TPRG1: variants seen among roughly 807,000 people sequenced by gnomAD.
TPRG1 encodes tumor protein p63-regulated gene 1 protein.
In TPRG1, 29 loss-of-function variants were observed where a neutral mutation model predicts 29.3. The observed-to-expected ratio is 0.99, with a 90% CI of 0.74 to 1.35. TPRG1 has a LOEUF of 1.35. TPRG1 is among the 40% of genes most tolerant of loss of function. The pLI is 0.00. For missense variants in TPRG1, 327 were observed against 335.0 expected (o/e 0.98, Z 0.19); for synonymous variants, 130 against 116.8 (o/e 1.11, Z -0.73).
At chr3:189,315,430 T>C (rs1723352394) in intron 5 of TPRG1, 1 of 441,726 alleles carries the variant, frequency 2.3e-6, no homozygotes, top group East Asian at 7.0e-5. Context: ...TCATCCACTT[T>C]GTATTTGCAA....
intron 4 of TPRG1, among the ~76,000 whole-genome samples, chr3:189,282,383 C>T (rs1404392956): frequency 6.6e-6 from 1 of 152,092 alleles, no homozygotes; most frequent in Non-Finnish European, 1.5e-5. Flanking sequence ...CTTCTACATA[C>T]TCTTCTAACA....
intron 4 of TPRG1, among the ~76,000 whole-genome samples, chr3:189,294,827 C>CAT: frequency 6.7e-6 from 1 of 149,654 alleles, no homozygotes; most frequent in Admixed American, 6.6e-5. Context: ...CACACACACA[C>CAT]AGCGCGCAAG....
chr3:189,123,446 G>C (rs1403720598), intron 1 of TPRG1: 1 of 152,186 alleles, frequency 6.6e-6, no homozygotes, highest in Non-Finnish European at 1.5e-5. Context: ...AATGTGTAAT[G>C]TACAAGAAGG....
chr3:189,082,858 A>G (rs1438412965), intron 4 of TPRG1, among the ~76,000 whole-genome samples: 1 of 152,284 alleles, frequency 6.6e-6, no homozygotes, highest in South Asian at 2.1e-4. Context: ...ACTCATGCAC[A>G]CTCAAGAACG....
chr3:189,006,622 T>C (rs1386022789), intron 3 of TPRG1, among the ~76,000 whole-genome samples: 1 of 151,870 alleles, frequency 6.6e-6, no homozygotes, highest in East Asian at 1.9e-4. Context: ...TACAAGAAAG[T>C]GTGTGGAGTG....
chr3:189,059,204 G>C (rs967996428), intron 4 of TPRG1, among the ~76,000 whole-genome samples: 1 of 152,144 alleles, frequency 6.6e-6, no homozygotes, highest in Non-Finnish European at 1.5e-5. Context: ...TTCCAAGTAA[G>C]ACAGTAAGAA....
chr3:189,174,322 G>A (rs1729201750), intron 1 of TPRG1, among the ~76,000 whole-genome samples: 1 of 152,258 alleles, frequency 6.6e-6, no homozygotes, highest in Admixed American at 6.5e-5. Context: ...CAGATATCTT[G>A]TTTTCAGGAA....
intron 1 of TPRG1, among the ~76,000 whole-genome samples, chr3:189,181,125 A>G (rs1389306134): frequency 6.6e-6 from 1 of 152,150 alleles, no homozygotes; most frequent in Non-Finnish European, 1.5e-5. Flanking sequence ...AGGCTGCACA[A>G]GGATGGAGAC....
chr3:189,105,265 C>G (rs149418464), intron 1 of TPRG1, among the ~76,000 whole-genome samples: 45 of 152,166 alleles, frequency 3.0e-4, no homozygotes, highest in African/African-American at 1.1e-3. Flanking sequence ...TGTCTCAGTG[C>G]TAGAAGAAAC....
chr3:189,196,914 G>A (rs777759906), intron 1 of TPRG1, among the ~76,000 whole-genome samples: 3 of 152,036 alleles, frequency 2.0e-5, no homozygotes, highest in African/African-American at 4.8e-5. Flanking sequence ...TTATAAAATC[G>A]ATGTGTAAAA....
rs1741511248 is a variant in TPRG1 at position 189,247,319 on chromosome 3, T to C, written c.479+8410T>C. On this transcript the variant is annotated intron_variant, in intron 4 of 5. Transcript: ENST00000345063. ...AAAATATCCATGTAGTTCTTTAGTA[T>C]AGGTTTTATTTTCTTAAGAAATTTT... Among the ~76,000 whole-genome samples the C allele has an allele frequency of 2.6e-5, 4 of 152,110 alleles. No homozygotes were observed. In the South Asian group the frequency reaches 6.2e-4, roughly 24 times the overall value.
chr3:189,181,221 C>G (rs1022807789), intron 1 of TPRG1, among the ~76,000 whole-genome samples: 1 of 152,180 alleles, frequency 6.6e-6, no homozygotes, highest in East Asian at 1.9e-4. Context: ...CTCTGACATG[C>G]CCTGGAGACA....
chr3:189,088,649 A>C (rs997826636), intron 4 of TPRG1, among the ~76,000 whole-genome samples: 5 of 152,118 alleles, frequency 3.3e-5, no homozygotes, highest in Non-Finnish European at 5.9e-5. Context: ...TAAATCATCT[A>C]TATCTATATA....
At chr3:189,239,319 C>T (rs1414722480) in intron 4 of TPRG1, among the ~76,000 whole-genome samples, 1 of 152,086 alleles carries the variant, frequency 6.6e-6, no homozygotes, top group Admixed American at 6.5e-5. Context: ...TATTCACTAT[C>T]AAGAGACTGG....
chr3:189,104,280 C>T (rs550822311), intron 1 of TPRG1, among the ~76,000 whole-genome samples: 13 of 152,138 alleles, frequency 8.5e-5, no homozygotes, highest in African/African-American at 2.2e-4. Flanking sequence ...CTTGTACTGA[C>T]GATAGAGCAC....
At chr3:189,317,520 A>G (rs1038139422) in intron 5 of TPRG1, among the ~76,000 whole-genome samples, 19 of 152,214 alleles carry the variant, frequency 1.2e-4, no homozygotes, top group African/African-American at 4.3e-4. Flanking sequence ...CAACCACCTG[A>G]TAAGTTTGAT....
chr3:189,250,517 C>A lies in TPRG1; in HGVS notation c.479+11608C>A, dbSNP rs943853231. 7.4e-5 allele frequency among the ~76,000 whole-genome samples: 8 copies of A among 107,846 alleles called. 1 individual carries two copies. The highest frequency in any genetic ancestry group is 6.4e-4 in the East Asian group (2 of 3,114). 70.8% of individuals were successfully genotyped at this position (107,846 alleles called of 152,430 possible). A position where few individuals can be genotyped will look rare whatever the true frequency, so the allele number is the denominator to read the frequency against. On this transcript the variant is annotated intron_variant, in intron 4 of 5. Transcript: ENST00000345063. ...GTTCTGATTTCCGCCCCCCCCCCCC[C>A]ACCCAGATTAAAGCTTTTGTTAACA...
At chr3:189,151,106 T>G (rs1326040564) in intron 5 of TPRG1, 1 of 152,218 alleles carries the variant, frequency 6.6e-6, no homozygotes, top group Non-Finnish European at 1.5e-5. Flanking sequence ...TGAGTAATTT[T>G]CAATTAATAA....
At chr3:189,060,508 T>A (rs1023111531) in intron 4 of TPRG1, among the ~76,000 whole-genome samples, 2 of 152,216 alleles carry the variant, frequency 1.3e-5, no homozygotes, top group African/African-American at 4.8e-5. Context: ...AAACTATCCC[T>A]GTTTGTGGAA....
Sources: allele counts gnomAD v4.1 joint callset (sites outside exome capture counted in the v4.1 genomes callset), GRCh38; gene constraint gnomAD v4.1.1; transcripts MANE v1.5; gene names NCBI Gene and HGNC (gene_info 2026-07-23, HGNC 2026-07-21).